Variants in CLIP4 observed in about 807,000 individuals in gnomAD.
CLIP4 encodes the protein CAP-Gly domain-containing linker protein 4.
CLIP4 carries 47 observed loss-of-function variants against 73.1 expected under a neutral mutation model. The observed-to-expected ratio is 0.64, with a 90% confidence interval of 0.51 to 0.82. The LOEUF (loss-of-function observed/expected upper bound fraction) is 0.82. CLIP4 is among the 40% of genes least tolerant of loss of function. CLIP4 has a pLI of 0.00. For synonymous variants in CLIP4, 306 were observed against 295.4 expected, an observed-to-expected ratio of 1.04 and a Z score of -0.37; for missense variants, 874 against 852.9, an observed-to-expected ratio of 1.02 and a Z score of -0.31.
intron 11 of CLIP4, 119 bp downstream of exon 11, chr2:29,157,466 C>G (rs1667003522): frequency 6.6e-7 from 1 of 1,517,910 alleles, no homozygotes; most frequent in Non-Finnish European, 9.1e-7. Context: ...GATTGAACTA[C>G]TTTTACTCTT....
upstream of CLIP4, among the ~76,000 whole-genome samples, chr2:29,113,623 T>G (rs997412339): frequency 2.0e-5 from 3 of 152,210 alleles, no homozygotes; most frequent in African/African-American, 7.2e-5. The surrounding 1 kb of genome is among the most constrained non-coding windows in gnomAD (Gnocchi z 4.0). Flanking sequence ...AGTGTTTGGG[T>G]GTAGCAGATA....
chr2:29,132,060 A>G (rs1665006998), intron 3 of CLIP4, 92 bp from the exon 4 acceptor site: 1 of 839,242 alleles, frequency 1.2e-6, no homozygotes, highest in African/African-American at 1.7e-5. Context: ...TAATTCAGAT[A>G]CGATAGACTA....
chr2:29,159,160 T>A (rs944314191), intron 11 of CLIP4, among the ~76,000 whole-genome samples: 5 of 152,250 alleles, frequency 3.3e-5, no homozygotes, highest in African/African-American at 7.2e-5. Context: ...ATATTGGTTA[T>A]GATGAGGGCC....
intron 10 of CLIP4, 141 bp downstream of exon 10, chr2:29,156,584 A>C (rs1666938454): frequency 3.2e-6 from 2 of 618,354 alleles, no homozygotes; most frequent in Non-Finnish European, 5.6e-6. Context: ...CTTGGAAATC[A>C]CTGAAGCAGC....
intron 1 of CLIP4, among the ~76,000 whole-genome samples, chr2:29,104,043 A>G (rs1668131432): frequency 6.6e-6 from 1 of 152,020 alleles, no homozygotes; most frequent in Non-Finnish European, 1.5e-5. Flanking sequence ...CCCGCATCCC[A>G]GGAACTCCCT....
At chr2:29,121,910 A>C (rs1664274990) in intron 2 of CLIP4, among the ~76,000 whole-genome samples, 1 of 152,212 alleles carries the variant, frequency 6.6e-6, no homozygotes, top group Non-Finnish European at 1.5e-5. Flanking sequence ...CTGGAATGTG[A>C]AATGAGATTG....
chr2:29,103,919 G>A (rs1183856623), intron 1 of CLIP4, among the ~76,000 whole-genome samples: 1 of 151,758 alleles, frequency 6.6e-6, no homozygotes, highest in African/African-American at 2.4e-5. Flanking sequence ...GTTTCACTAT[G>A]TTGGCCAGGC....
chr2:29,133,724 G>C lies in CLIP4; in HGVS notation c.437G>C (p.Ser146Thr). Reference sequence around the variant, plus strand: ...CTGGGAGCAGACATTAGTTTGCGGAGTCGCTGGACAAACATGAATGCTTTG... The same window carrying C: ...CTGGGAGCAGACATTAGTTTGCGGACTCGCTGGACAAACATGAATGCTTTG... ...IDLGADISLR[S>T]RWTNMNALHY... The change falls in exon 5 of 16, where the codon AGT becomes ACT. Residue 146 changes from serine (S) to threonine (T), a missense_variant. Ser to Thr is a moderately conservative substitution (Grantham distance 58). Coordinates refer to ENST00000320081, the MANE Select transcript of CLIP4 (RefSeq NM_024692.6). 1 of 1,613,780 alleles carries C rather than the reference G, an allele frequency of 6.2e-7. No individual in the cohort carries two copies. Among genetic ancestry groups the C allele is most frequent in the Non-Finnish European group, 8.5e-7 (1 of 1,179,874 alleles).
At chr2:29,147,065 T>A (rs930900559) in intron 8 of CLIP4, among the ~76,000 whole-genome samples, 1 of 152,212 alleles carries the variant, frequency 6.6e-6, no homozygotes, top group South Asian at 2.1e-4. Flanking sequence ...TCTGCATTTT[T>A]ATTTAATATC....
intron 13 of CLIP4, among the ~76,000 whole-genome samples, chr2:29,165,750 G>A (rs1667567603): frequency 6.6e-6 from 1 of 152,080 alleles, no homozygotes; most frequent in Admixed American, 6.6e-5. Context: ...ACATAGTTTG[G>A]CATATTTTAG....
At chr2:29,102,135 G>T (rs1452911182) in intron 1 of CLIP4, among the ~76,000 whole-genome samples, 2 of 152,136 alleles carry the variant, frequency 1.3e-5, no homozygotes, top group Non-Finnish European at 2.9e-5. Context: ...AAGAAGGGAG[G>T]AAAGCAATGA....
chr2:29,162,332 A>G (rs1667345902), intron 12 of CLIP4, among the ~76,000 whole-genome samples: 1 of 152,214 alleles, frequency 6.6e-6, no homozygotes, highest in Non-Finnish European at 1.5e-5. Context: ...AATCACTGCT[A>G]CAGAACAGTG....
intron 1 of CLIP4, among the ~76,000 whole-genome samples, chr2:29,116,757 T>C (rs540454913): frequency 3.8e-4 from 58 of 152,352 alleles, no homozygotes; most frequent in African/African-American, 1.3e-3. Context: ...GACTGTAAGA[T>C]TGAGTCTAGC....
At chr2:29,150,281 G>A (rs1666466489) in intron 8 of CLIP4, among the ~76,000 whole-genome samples, 1 of 152,178 alleles carries the variant, frequency 6.6e-6, no homozygotes, top group African/African-American at 2.4e-5. Context: ...GTCAGTGGAA[G>A]TTGAAGAGAA....
At chr2:29,176,389 G>A (rs565462019) in intron 15 of CLIP4, among the ~76,000 whole-genome samples, 1 of 152,342 alleles carries the variant, frequency 6.6e-6, no homozygotes, top group East Asian at 1.9e-4. Flanking sequence ...ATGATACTTT[G>A]AGAAGAAATG....
Position 29,143,851 on chromosome 2 carries a change from C to T in CLIP4, c.791C>T (p.Ala264Val). Residue 264 changes from alanine (A) to valine (V), a missense_variant, in exon 7 of 16, where the codon GCC becomes GTC. Transcript: ENST00000320081. ...AVPLSCNISK[A>V]MLPNYDHVTG... ...CCTCTGTCATGTAACATCTCAAAGG[C>T]CATGCTCCCAAATTATGATCATGTC... 6.2e-7 allele frequency: 1 copy of T among 1,614,140 alleles called. No homozygotes were observed. Among genetic ancestry groups the T allele is most frequent in the African/African-American group, 1.3e-5 (1 of 75,038 alleles).
intron 4 of CLIP4, among the ~76,000 whole-genome samples, chr2:29,133,448 G>A (rs1052588749): frequency 1.3e-5 from 2 of 152,162 alleles, no homozygotes; most frequent in African/African-American, 4.8e-5. Flanking sequence ...CAATAAGAGT[G>A]CAGTGATGAG....
At chr2:29,166,119 G>A (rs1161667866) in intron 13 of CLIP4, among the ~76,000 whole-genome samples, 1 of 151,980 alleles carries the variant, frequency 6.6e-6, no homozygotes, top group African/African-American at 2.4e-5. Context: ...CATTCTATAA[G>A]CGAATAAAAC....
intron 13 of CLIP4, among the ~76,000 whole-genome samples, chr2:29,166,108 G>C (rs1667597770): frequency 6.6e-6 from 1 of 151,984 alleles, no homozygotes; most frequent in Non-Finnish European, 1.5e-5. Flanking sequence ...GCTGTGCTAG[G>C]CATTCTATAA....
Sources: allele counts gnomAD v4.1 joint callset (sites outside exome capture counted in the v4.1 genomes callset), GRCh38; gene constraint gnomAD v4.1.1; non-coding constraint Gnocchi (gnomAD v3.1); transcripts MANE v1.5; gene names NCBI Gene and HGNC (gene_info 2026-07-23, HGNC 2026-07-21).